The following FRMD4B variants were observed in gnomAD, a reference collection of about 807,000 sequenced individuals.
FRMD4B encodes the protein FERM domain containing 4B.
A neutral mutation model predicts 141.5 loss-of-function variants in FRMD4B; 74 were observed. That is an observed-to-expected ratio of 0.52 (90% CI 0.43 to 0.63). The LOEUF (loss-of-function observed/expected upper bound fraction) is 0.63. FRMD4B is among the 30% of genes least tolerant of loss of function. The pLI, the probability that FRMD4B is intolerant of heterozygous loss-of-function variation, is 0.00. For missense variants in FRMD4B, 1,366 were observed against 1,253.4 expected (o/e 1.09, Z -1.36); for synonymous variants, 506 against 467.9 (o/e 1.08, Z -1.05).
chr3:69,515,776 A>G (rs988569034), intron 1 of FRMD4B, among the ~76,000 whole-genome samples: 9 of 152,234 alleles, frequency 5.9e-5, no homozygotes, highest in Admixed American at 2.6e-4. Context: ...TGACGCATAT[A>G]TAGTTTCTAA....
At chr3:69,437,681 G>C (rs1705281706) in intron 1 of FRMD4B, among the ~76,000 whole-genome samples, 2 of 128,810 alleles carry the variant, frequency 1.6e-5, no homozygotes, top group South Asian at 4.7e-4. Flanking sequence ...ATATACTATA[G>C]TATATATGTA....
rs5849890 is a variant in FRMD4B, at chr3:69,253,183, ATTT to A, written c.502-3087_502-3085del. 3.2e-3 allele frequency among the ~76,000 whole-genome samples: 414 copies of A among 129,872 alleles called. 1 individual carries two copies. Among genetic ancestry groups the A allele is most frequent in the African/African-American group, 0.011 (383 of 33,582 alleles). The allele number at this position is 129,872 out of a possible 152,430, so 85.2% of individuals were successfully genotyped here. A position where few individuals can be genotyped will look rare whatever the true frequency, so the allele number is the denominator to read the frequency against. On this transcript the variant is annotated intron_variant, in intron 5 of 22. Transcript: ENST00000398540. ...GGAAATTAGTGAAAATATGATTCCT[ATTT>A]TTTTTTTTTTTTTTTTTTGCAGATG...
chr3:69,482,806 G>A (rs542651560), intron 1 of FRMD4B, among the ~76,000 whole-genome samples: 6 of 152,296 alleles, frequency 3.9e-5, no homozygotes, highest in East Asian at 3.9e-4. Context: ...AAATAACATC[G>A]CATCCCAGGG....
chr3:69,229,359 C>T lies in FRMD4B; in HGVS notation c.582-4669G>A, dbSNP rs72929564. Among the ~76,000 whole-genome samples the T allele has an allele frequency of 8.9e-3, 1,356 of 152,146 alleles. 15 individuals carry two copies. The highest frequency in any genetic ancestry group is 0.031 in the African/African-American group (1,289 of 41,522). The stretch of plus-strand genomic sequence containing the variant: ...TTACATTCTCAGGGAAGAACATGGC[C>T]TTATTTCTTCACGTTAGAAAAGGCT... On this transcript the variant is annotated intron_variant, in intron 7 of 22. Transcript: ENST00000398540.
At chr3:69,514,455 C>T (rs1700715848) in intron 1 of FRMD4B, among the ~76,000 whole-genome samples, 1 of 152,014 alleles carries the variant, frequency 6.6e-6, no homozygotes, top group African/African-American at 2.4e-5. Context: ...TTTGGGAGGC[C>T]AAGGCAGGTA....
At chr3:69,427,920 T>C (rs1705114243) in intron 2 of FRMD4B, among the ~76,000 whole-genome samples, 1 of 151,662 alleles carries the variant, frequency 6.6e-6, no homozygotes, top group South Asian at 2.1e-4. Flanking sequence ...CCTCCCAAAA[T>C]GCTGGGATTA....
chr3:69,216,222 T>C (rs531742460), intron 11 of FRMD4B, 41 bp downstream of exon 11: 11 of 1,039,998 alleles, frequency 1.1e-5, no homozygotes, highest in South Asian at 1.4e-5. Flanking sequence ...ATTAACATGT[T>C]TTGAACAGTT....
chr3:69,302,317 T>C (rs767335095), intron 4 of FRMD4B, 26 bp downstream of exon 4: 3 of 1,250,606 alleles, frequency 2.4e-6, no homozygotes, highest in Admixed American at 3.6e-5. Flanking sequence ...AAAAGAGGGA[T>C]GCTAACTGGG....
chr3:69,375,020 C>G (rs937779135), intron 1 of FRMD4B, among the ~76,000 whole-genome samples: 6 of 134,230 alleles, frequency 4.5e-5, no homozygotes, highest in African/African-American at 1.6e-4. Context: ...ACCCACCCAT[C>G]CAATCATCCA....
At chr3:69,346,684 C>G (rs543546464) in intron 1 of FRMD4B, among the ~76,000 whole-genome samples, 2 of 152,152 alleles carry the variant, frequency 1.3e-5, no homozygotes, top group African/African-American at 2.4e-5. Flanking sequence ...ATTCAACATT[C>G]TTAAAGAAAA....
intron 1 of FRMD4B, among the ~76,000 whole-genome samples, chr3:69,529,386 T>C (rs1700981471): frequency 6.6e-6 from 1 of 152,192 alleles, no homozygotes; most frequent in Admixed American, 6.5e-5. Context: ...CCCACTACTC[T>C]AGTTTAACAT....
intron 1 of FRMD4B, among the ~76,000 whole-genome samples, chr3:69,492,930 A>G (rs2107030112): frequency 6.6e-6 from 1 of 152,274 alleles, no homozygotes; most frequent in Non-Finnish European, 1.5e-5. Flanking sequence ...TTTATGTATG[A>G]GTGTTTCAAA....
intron 1 of FRMD4B, among the ~76,000 whole-genome samples, chr3:69,446,011 A>G (rs1287155614): frequency 6.6e-6 from 1 of 152,128 alleles, no homozygotes; most frequent in Non-Finnish European, 1.5e-5. Flanking sequence ...TGTCAAATGA[A>G]TGTATGTGTT....
intron 1 of FRMD4B, among the ~76,000 whole-genome samples, chr3:69,494,310 T>C (rs369704219): frequency 6.6e-6 from 1 of 152,164 alleles, no homozygotes; most frequent in Non-Finnish European, 1.5e-5. Flanking sequence ...GAGGAGATGA[T>C]TGGGCACGAG....
chr3:69,406,639 G>T (rs867141275), intron 2 of FRMD4B, among the ~76,000 whole-genome samples: 1 of 152,144 alleles, frequency 6.6e-6, no homozygotes, highest in Non-Finnish European at 1.5e-5. Context: ...TCAGTCTTGT[G>T]GCAGCAAACA....
intron 18 of FRMD4B, among the ~76,000 whole-genome samples, chr3:69,188,370 G>C (rs1482869860): frequency 6.6e-6 from 1 of 152,220 alleles, no homozygotes; most frequent in East Asian, 1.9e-4. Flanking sequence ...TGCATCTTTA[G>C]AGGCTTGTTA....
Position 69,519,571 on chromosome 3 carries a change from C to T in FRMD4B, c.-129+22635G>A, listed in dbSNP as rs113628424. On this transcript the variant is annotated intron_variant, in intron 1 of 5. Transcript: ENST00000459638. ...TGGCTGCTATCTTCTATTTTCTCTA[C>T]CTAGACCCTTTCCCTCTCTGGTTAG... Among the ~76,000 whole-genome samples the T allele has an allele frequency of 2.4e-3, 361 of 152,240 alleles. 1 individual carries two copies. The highest frequency in any genetic ancestry group is 4.3e-3 in the Non-Finnish European group (290 of 68,016).
intron 1 of FRMD4B, among the ~76,000 whole-genome samples, chr3:69,441,256 T>G (rs977418658): frequency 1.3e-5 from 2 of 152,204 alleles, no homozygotes; most frequent in African/African-American, 4.8e-5. Flanking sequence ...GTGGTTTTCT[T>G]TACTTTTTTT....
intron 1 of FRMD4B, among the ~76,000 whole-genome samples, chr3:69,337,956 G>C (rs1463665865): frequency 5.3e-5 from 8 of 152,186 alleles, no homozygotes; most frequent in Non-Finnish European, 5.9e-5. Context: ...CCCATTACTG[G>C]GTATATACCC....
Sources: gnomAD v4.1 joint callset for allele counts (sites outside exome capture counted in the v4.1 genomes callset) on GRCh38, gnomAD v4.1.1 for gene constraint, MANE v1.5 for transcripts, NCBI Gene and HGNC (gene_info 2026-07-23, HGNC 2026-07-21) for gene names.